FRK: variants seen among roughly 807,000 people sequenced by gnomAD.
FRK encodes fyn related Src family tyrosine kinase, also known as tyrosine-protein kinase FRK.
A neutral mutation model predicts 56.4 loss-of-function variants in FRK; 51 were observed. The ratio of observed to expected loss-of-function variants is 0.90; its 90% confidence interval spans 0.72 to 1.14. FRK has a LOEUF of 1.14. FRK is among the 50% of genes most tolerant of loss of function. The probability of loss-of-function intolerance (pLI) is 0.00; values close to 1 mark genes in which losing one functional copy is unlikely to be tolerated. For synonymous variants in FRK, 245 were observed against 217.9 expected (o/e 1.12, Z -1.10); for missense variants, 570 against 601.4 (o/e 0.95, Z 0.55).
Position 115,980,933 on chromosome 6 carries a change from C to G in FRK, c.467-12194G>C, listed in dbSNP as rs151006198. Among the ~76,000 whole-genome samples the G allele has an allele frequency of 4.9e-4, 74 of 152,196 alleles. No individual in the cohort carries two copies. The East Asian group carries it at 0.014, about 28-fold the overall frequency. ...GTTAGAGACTCAGCATGATCTATAT[C>G]TCTGTTCTTTTTCATTGATTTTGTC... On this transcript the variant is annotated intron_variant, in intron 2 of 7. Transcript: ENST00000606080.
chr6:116,032,842 T>C (rs1336610623), intron 1 of FRK, among the ~76,000 whole-genome samples: 1 of 152,092 alleles, frequency 6.6e-6, no homozygotes, highest in Non-Finnish European at 1.5e-5. Context: ...TATATTGCAT[T>C]CAATTCATTA....
At chr6:116,070,581 T>C in the FRK span, among the ~76,000 whole-genome samples, 6 of 152,104 alleles carry the variant, frequency 3.9e-5, no homozygotes, top group African/African-American at 1.4e-4. Flanking sequence ...AAAATCTCAA[T>C]AGTATTAACA....
chr6:116,013,907 AG>A (rs947749011), intron 1 of FRK, among the ~76,000 whole-genome samples: 1 of 152,134 alleles, frequency 6.6e-6, no homozygotes, highest in Non-Finnish European at 1.5e-5. Flanking sequence ...AGTAAAAAAG[AG>A]GGAGCATCTT....
chr6:116,008,975 C>A (rs1016286454), intron 1 of FRK, among the ~76,000 whole-genome samples: 1 of 152,140 alleles, frequency 6.6e-6, no homozygotes, highest in Non-Finnish European at 1.5e-5. Flanking sequence ...GAATGATTCA[C>A]AAATTAGGCA....
At chr6:116,065,589 C>T (rs537275297), upstream of FRK, among the ~76,000 whole-genome samples, 4 of 152,158 alleles carry the variant, frequency 2.6e-5, no homozygotes, top group Non-Finnish European at 5.9e-5. Flanking sequence ...GGGTTCTTGT[C>T]TATCTTTTAA....
chr6:115,945,418 G>A (rs571195618), intron 5 of FRK, among the ~76,000 whole-genome samples: 19 of 152,094 alleles, frequency 1.2e-4, no homozygotes, highest in Non-Finnish European at 2.6e-4. Context: ...GCTGGTGAGA[G>A]ATGGTATCTC....
At position 115,968,576 on chromosome 6, in the gene FRK, C is replaced by T; in HGVS notation, c.630G>A (p.Lys210=). Residue 210 remains lysine, a splice_region_variant and synonymous_variant, in exon 3 of 8, where the codon AAG becomes AAA. Transcript: ENST00000606080. ...AAACACAGCTTGAAAGCATTTTCAC[C>T]TTTAAGCATGGTTTCCCCAGCTTGA... ...LCVKLGKPCL[K]IQVPAPFDLS... is the part of the protein sequence containing the mutation. The T allele has an allele frequency of 6.2e-7, 1 of 1,609,254 alleles. No individual in the cohort carries two copies. The highest frequency in any genetic ancestry group is 8.5e-7 in the Non-Finnish European group (1 of 1,178,410).
At chr6:116,066,773 C>T in the FRK span, among the ~76,000 whole-genome samples, 1 of 152,130 alleles carries the variant, frequency 6.6e-6, no homozygotes, top group African/African-American at 2.4e-5. Flanking sequence ...TCTCACTATT[C>T]TTCTAATCAA....
intron 2 of FRK, among the ~76,000 whole-genome samples, chr6:115,970,146 A>C (rs140188965): frequency 2.0e-3 from 301 of 151,460 alleles, no homozygotes; most frequent in African/African-American, 7.1e-3. Flanking sequence ...TTTTTTTTTC[A>C]AAAACAGGAA....
the FRK span, among the ~76,000 whole-genome samples, chr6:116,068,857 G>T: frequency 6.6e-6 from 1 of 151,478 alleles, no homozygotes; most frequent in Non-Finnish European, 1.5e-5. Flanking sequence ...ACTTTTTAAA[G>T]CTTTTTGTTT....
At chr6:116,077,083 C>A in the FRK span, among the ~76,000 whole-genome samples, 3 of 152,102 alleles carry the variant, frequency 2.0e-5, no homozygotes, top group Admixed American at 2.0e-4. Flanking sequence ...AAGTTCCTAC[C>A]ACATTTAGAT....
chr6:115,981,004 G>A (rs1369786897), intron 2 of FRK, among the ~76,000 whole-genome samples: 1 of 151,908 alleles, frequency 6.6e-6, no homozygotes, highest in Admixed American at 6.6e-5. Context: ...AGCATTATAT[G>A]CTGACTTAAA....
intron 1 of FRK, among the ~76,000 whole-genome samples, chr6:116,004,480 G>C (rs1166484303): frequency 6.6e-6 from 1 of 152,086 alleles, no homozygotes; most frequent in African/African-American, 2.4e-5. Flanking sequence ...TAGTTCTCTG[G>C]ATATTAGTTC....
At chr6:115,971,619 C>G (rs755911051) in intron 2 of FRK, among the ~76,000 whole-genome samples, 5 of 152,164 alleles carry the variant, frequency 3.3e-5, no homozygotes, top group Admixed American at 3.3e-4. Flanking sequence ...AAAGCTCCAG[C>G]AAAGTTTTTC....
intron 1 of FRK, among the ~76,000 whole-genome samples, chr6:116,008,072 T>C (rs1416196552): frequency 1.3e-5 from 2 of 152,214 alleles, no homozygotes; most frequent in Non-Finnish European, 2.9e-5. Flanking sequence ...GTCTCCTATA[T>C]ATCATTCTCA....
At chr6:116,008,093 C>T (rs1449829297) in intron 1 of FRK, among the ~76,000 whole-genome samples, 1 of 152,072 alleles carries the variant, frequency 6.6e-6, no homozygotes, top group Non-Finnish European at 1.5e-5. Flanking sequence ...AAACTAAATA[C>T]TCCATTACAT....
At chr6:116,097,639 A>T in the FRK span, among the ~76,000 whole-genome samples, 1 of 152,264 alleles carries the variant, frequency 6.6e-6, no homozygotes, top group Non-Finnish European at 1.5e-5. Flanking sequence ...TTAAAAGCAG[A>T]TCAATTGTAA....
At position 115,999,624 on chromosome 6, in the gene FRK, AT is replaced by A. The variant is rs1774972618; in HGVS notation, c.466+4252del. ...GGAAAGAAAGAGATAGAAAAGGGAT[AT>A]TTTTTGCCTTCCTTTAGCAGCACAG... On this transcript the variant is annotated intron_variant, in intron 2 of 7. Transcript: ENST00000606080. Among the ~76,000 whole-genome samples the A allele has an allele frequency of 2.6e-5, 4 of 152,316 alleles. No individual in the cohort carries two copies. In the Middle Eastern group the frequency reaches 0.014, roughly 518 times the overall value.
At chr6:116,090,998 C>A in the FRK span, among the ~76,000 whole-genome samples, 1 of 152,094 alleles carries the variant, frequency 6.6e-6, no homozygotes, top group East Asian at 1.9e-4. Flanking sequence ...AAATTGTAAT[C>A]CTGCCACTTA....
Sources: gnomAD v4.1 joint callset for allele counts (sites outside exome capture counted in the v4.1 genomes callset) on GRCh38, gnomAD v4.1.1 for gene constraint, MANE v1.5 for transcripts, NCBI Gene and HGNC (gene_info 2026-07-23, HGNC 2026-07-21) for gene names.